Variants in PHLPP2 observed in about 807,000 individuals in gnomAD.
PHLPP2 encodes the protein PH domain leucine-rich repeat-containing protein phosphatase 2.
Under a neutral mutation model 124.9 loss-of-function variants are expected in PHLPP2, and 66 were observed. The ratio of observed to expected loss-of-function variants is 0.53; its 90% CI spans 0.43 to 0.65. The LOEUF is 0.65. Ranked by LOEUF, PHLPP2 falls within the 30% of genes least tolerant of loss-of-function variation. The pLI is 0.00. For synonymous variants in PHLPP2, 681 were observed against 624.7 expected (o/e 1.09, Z -1.34); for missense variants, 1,685 against 1,600.4 (o/e 1.05, Z -0.90).
chr16:71,714,921 C>A, intron 1 of PHLPP2, 120 bp from the exon 2 acceptor site: 1 of 1,268,580 alleles, frequency 7.9e-7, no homozygotes, highest in Middle Eastern at 2.8e-4. Context: ...AGTATCCCCT[C>A]CTTTTGTGGA....
At position 71,676,641 on chromosome 16, in the gene PHLPP2, T is replaced by A. The variant is rs1266838323; in HGVS notation, c.1277A>T (p.His426Leu). ...ATTTTCAATAACCATGGTTTTCAAA[T>A]GGTTCATCCTTAATACGCAGAAACA... ...HIKHVDLRMNHLKTMVIENLE... is the reference protein window; with the variant it reads ...HIKHVDLRMNLLKTMVIENLE... Residue 426 changes from histidine (H) to leucine (L), a missense_variant, in exon 9 of 19, where the codon CAT becomes CTT. Transcript: ENST00000568954. The A allele has an allele frequency of 6.2e-7, 1 of 1,609,396 alleles. No individual in the cohort carries two copies. Among genetic ancestry groups the A allele is most frequent in the South Asian group, 1.1e-5 (1 of 90,986 alleles).
rs2044644001 is a variant in PHLPP2 at position 71,645,019 on chromosome 16, G to A, written c.*3871C>T. ...AATAGATTTGCTGCAACATGCTCTG[G>A]CTCATATTATTGAATTAAAAAATTT... On this transcript the variant is annotated 3_prime_UTR_variant, in exon 19 of 19. Coordinates refer to ENST00000568954, the MANE Select transcript of PHLPP2 (RefSeq NM_015020.3). 3.6e-6 allele frequency: 1 copy of A among 281,556 alleles called. No homozygotes were observed. The highest frequency in any genetic ancestry group is 7.0e-6 in the Non-Finnish European group (1 of 143,088). 17.4% of individuals were successfully genotyped at this position (281,556 alleles called of 1,614,324 possible).
At chr16:71,683,788 C>A (rs1223541014) in intron 5 of PHLPP2, among the ~76,000 whole-genome samples, 1 of 151,934 alleles carries the variant, frequency 6.6e-6, no homozygotes, top group Non-Finnish European at 1.5e-5. Flanking sequence ...AGTTTCTTTT[C>A]TTGTCTTTTG....
intron 12 of PHLPP2, among the ~76,000 whole-genome samples, chr16:71,666,539 C>T (rs950683346): frequency 2.0e-5 from 3 of 152,010 alleles, no homozygotes; most frequent in African/African-American, 7.3e-5. Context: ...ACAAAACAAA[C>T]CCCACAAAAA....
chr16:71,689,464 C>A (rs185883557), intron 4 of PHLPP2, among the ~76,000 whole-genome samples: 112 of 144,656 alleles, frequency 7.7e-4, no homozygotes, highest in South Asian at 2.2e-3. Context: ...ATGATCTTGG[C>A]TCACCACAAC....
At chr16:71,710,538 T>C (rs2045317043) in intron 2 of PHLPP2, among the ~76,000 whole-genome samples, 1 of 152,216 alleles carries the variant, frequency 6.6e-6, no homozygotes, top group African/African-American at 2.4e-5. Context: ...AAGACTTGCA[T>C]GATTTCAGAC....
intron 13 of PHLPP2, among the ~76,000 whole-genome samples, chr16:71,659,322 G>C (rs1292905489): frequency 6.9e-6 from 1 of 145,450 alleles, no homozygotes; most frequent in African/African-American, 2.6e-5. Flanking sequence ...CCTGATTTCA[G>C]CTCACCACAA....
At chr16:71,681,323 G>A (rs113316313) in intron 6 of PHLPP2, among the ~76,000 whole-genome samples, 1 of 152,208 alleles carries the variant, frequency 6.6e-6, no homozygotes, top group South Asian at 2.1e-4. Flanking sequence ...AAGCTTCACA[G>A]CTGACTAAAC....
At chr16:71,690,730 C>A in intron 3 of PHLPP2, 21 bp from the exon 4 acceptor site, 2 of 1,524,408 alleles carry the variant, frequency 1.3e-6, no homozygotes, top group South Asian at 1.1e-5. Flanking sequence ...AATAATACTT[C>A]AGAATCCACC....
In PHLPP2 at chr16:71,696,253, A is replaced by G. The variant is rs548306228; in HGVS notation, c.419-5544T>C. 1.0e-3 allele frequency among the ~76,000 whole-genome samples: 155 copies of G among 152,276 alleles called. 1 individual carries two copies. The highest frequency in any genetic ancestry group is 2.4e-4 in the Non-Finnish European group (16 of 68,034). The stretch of plus-strand genomic sequence containing the variant: ...GAAAAGATGATACCTGATGTTGTCA[A>G]AGGTGTAGGGAAATAAGTACTCTCA... On this transcript the variant is annotated intron_variant, in intron 3 of 18. Coordinates refer to ENST00000568954, the MANE Select transcript of PHLPP2 (RefSeq NM_015020.3).
intron 1 of PHLPP2, among the ~76,000 whole-genome samples, chr16:71,720,883 A>G (rs1008481377): frequency 6.6e-6 from 1 of 152,202 alleles, no homozygotes; most frequent in African/African-American, 2.4e-5. Flanking sequence ...ACGAAAAAAA[A>G]AAAAACAATG....
intron 6 of PHLPP2, 71 bp downstream of exon 6, chr16:71,681,680 G>T: frequency 8.4e-7 from 1 of 1,188,308 alleles, no homozygotes; most frequent in South Asian, 1.9e-5. Context: ...AATGGTAGCA[G>T]GTAGAAGCCA....
At chr16:71,685,589 A>C (rs1309006202) in intron 4 of PHLPP2, among the ~76,000 whole-genome samples, 3 of 152,254 alleles carry the variant, frequency 2.0e-5, no homozygotes, top group African/African-American at 7.2e-5. Context: ...TAATTTTCAC[A>C]ATATTAAATT....
intron 6 of PHLPP2, among the ~76,000 whole-genome samples, chr16:71,680,039 C>T (rs1214646003): frequency 1.3e-5 from 2 of 151,590 alleles, no homozygotes; most frequent in South Asian, 2.1e-4. Context: ...GCCGACATTG[C>T]GCCACTGCAC....
rs2045001191 is a variant in PHLPP2 at position 71,681,791 on chromosome 16, T to C, written c.850A>G (p.Met284Val). The change falls in exon 6 of 19, where the codon ATG (methionine) becomes GTG (valine). Residue 284 changes from methionine to valine, a missense_variant. Physicochemically the swap from Met to Val is conservative, Grantham distance 21 (BLOSUM62 1). Transcript: ENST00000568954. The part of the protein sequence containing the change: ...ITYLNLRHNF[M>V]QLERPGGLDT... ...AGGCCTCCGGGTCTTTCTAACTGCATGAAGTTGTGTCGCAAGTTGAGGTAG... is the reference window on the plus strand; with the variant it reads ...AGGCCTCCGGGTCTTTCTAACTGCACGAAGTTGTGTCGCAAGTTGAGGTAG... 1.2e-6 allele frequency: 2 copies of C among 1,613,924 alleles called. No homozygotes were observed. The highest frequency in any genetic ancestry group is 1.7e-6 in the Non-Finnish European group (2 of 1,179,904).
intron 13 of PHLPP2, among the ~76,000 whole-genome samples, chr16:71,661,079 T>TC (rs1206098978): frequency 6.6e-6 from 1 of 151,426 alleles, no homozygotes; most frequent in African/African-American, 2.4e-5. Context: ...TTTTTTTTTT[T>TC]TTTTTGAGAT....
At chr16:71,723,688 CCT>C in intron 1 of PHLPP2, 1 of 618,588 alleles carries the variant, frequency 1.6e-6, no homozygotes, top group South Asian at 3.0e-5. Flanking sequence ...GCGGCAGCGG[CCT>C]CTAGCCTCCC....
In PHLPP2 at chr16:71,650,022, G is replaced by A; in HGVS notation, c.2840C>T (p.Thr947Ile). ...ITEDNKVNGV[T>I]CCTRMLGCTY... ...ACAGCCCAGCATCCGGGTACAGCAG[G>A]TTACCCCATTCACTTTGTTGTCCTA... Residue 947 changes from threonine to isoleucine, a missense_variant, in exon 19 of 19, where the codon ACC becomes ATC. Thr to Ile is a moderately conservative substitution (Grantham distance 89, BLOSUM62 -1). Transcript: ENST00000568954. 1.2e-6 allele frequency: 2 copies of A among 1,608,146 alleles called. No homozygotes were observed. Among genetic ancestry groups the A allele is most frequent in the Non-Finnish European group, 1.7e-6 (2 of 1,179,066 alleles).
At chr16:71,693,405 A>G (rs1396176263) in intron 3 of PHLPP2, among the ~76,000 whole-genome samples, 1 of 152,232 alleles carries the variant, frequency 6.6e-6, no homozygotes, top group East Asian at 1.9e-4. Context: ...AAACCTCAGA[A>G]GCAGCTTCAA....
Sources: allele counts gnomAD v4.1 joint callset (sites outside exome capture counted in the v4.1 genomes callset), GRCh38; gene constraint gnomAD v4.1.1; transcripts MANE v1.5; gene names NCBI Gene and HGNC (gene_info 2026-07-23, HGNC 2026-07-21).